FBXO4: variants seen among roughly 807,000 people sequenced by gnomAD.
The protein encoded by FBXO4 is F-box protein 4, also known as F-box only protein 4.
Under a neutral mutation model 43.7 loss-of-function variants are expected in FBXO4, and 36 were observed. The ratio of observed to expected loss-of-function variants is 0.82; its 90% CI spans 0.63 to 1.09. The LOEUF (loss-of-function observed/expected upper bound fraction) is 1.09. FBXO4 is among the 50% of genes least tolerant of loss of function. The probability of loss-of-function intolerance (pLI) is 0.00; values close to 1 mark genes in which losing one functional copy is unlikely to be tolerated. For synonymous variants in FBXO4, 180 were observed against 165.6 expected (o/e 1.09, Z -0.67); for missense variants, 435 against 474.1 (o/e 0.92, Z 0.77).
the FBXO4 span, among the ~76,000 whole-genome samples, chr5:41,981,980 A>G: frequency 6.8e-6 from 1 of 146,154 alleles, no homozygotes; most frequent in Admixed American, 7.1e-5. Flanking sequence ...ATTCCCACCT[A>G]TGAGTGAGAA....
In FBXO4 at chr5:41,941,196, A is replaced by G; in HGVS notation, c.1079A>G (p.Gln360Arg). ...TTCTCTCTTATGTATTCCGAGGTCC[A>G]GGATACAGAGGCTGAAACTCTGACT... ...LNLLNHPWLV[Q>R]DTEAETLTGF... is the part of the protein sequence containing the mutation. The change falls in exon 7 of 7, where the codon CAG becomes CGG. Residue 360 changes from glutamine to arginine, a missense_variant. Coordinates refer to ENST00000281623, the MANE Select transcript of FBXO4 (RefSeq NM_012176.3). 1 of 1,613,240 alleles carries G rather than the reference A, an allele frequency of 6.2e-7. No individual in the cohort carries two copies. The highest frequency in any genetic ancestry group is 2.2e-5 in the East Asian group (1 of 44,810).
the FBXO4 span, among the ~76,000 whole-genome samples, chr5:41,984,419 GGT>G: frequency 6.6e-6 from 1 of 152,144 alleles, no homozygotes; most frequent in African/African-American, 2.4e-5. Context: ...GAGTTAGAGG[GGT>G]AGCTCAGCTA....
the FBXO4 span, among the ~76,000 whole-genome samples, chr5:41,969,849 A>G: frequency 1.3e-5 from 2 of 152,152 alleles, no homozygotes; most frequent in African/African-American, 2.4e-5. Context: ...TACATTTTAA[A>G]CAAAACAATG....
At chr5:42,028,981 TCA>T in the FBXO4 span, among the ~76,000 whole-genome samples, 1 of 151,982 alleles carries the variant, frequency 6.6e-6, no homozygotes, top group African/African-American at 2.4e-5. Context: ...AGTTTACACA[TCA>T]CAGTTAGTGT....
chr5:41,929,094 AT>A (rs895412628), intron 2 of FBXO4, among the ~76,000 whole-genome samples: 5 of 152,120 alleles, frequency 3.3e-5, no homozygotes, highest in African/African-American at 9.7e-5. Flanking sequence ...AGTGTTAGCA[AT>A]TTTTTTGGTT....
downstream of FBXO4, among the ~76,000 whole-genome samples, chr5:41,942,282 A>T (rs902136042): frequency 6.6e-6 from 1 of 152,078 alleles, no homozygotes; most frequent in East Asian, 1.9e-4. Context: ...CACATTTGTC[A>T]GAATGTTTAC....
the FBXO4 span, among the ~76,000 whole-genome samples, chr5:41,958,525 T>G: frequency 6.6e-6 from 1 of 152,166 alleles, no homozygotes. Flanking sequence ...TAACCGAAAT[T>G]TTGTGACCTA....
chr5:41,947,275 T>A, the FBXO4 span, among the ~76,000 whole-genome samples: 8 of 152,070 alleles, frequency 5.3e-5, no homozygotes. Flanking sequence ...AGAGATAAAA[T>A]CACCTACCTG....
downstream of FBXO4, among the ~76,000 whole-genome samples, chr5:41,943,671 A>G (rs1417934215): frequency 6.6e-6 from 1 of 152,092 alleles, no homozygotes; most frequent in African/African-American, 2.4e-5. Context: ...TATAAACTCT[A>G]TCGCCACTAT....
chr5:41,964,339 T>C, the FBXO4 span, among the ~76,000 whole-genome samples: 7 of 152,164 alleles, frequency 4.6e-5, no homozygotes, highest in African/African-American at 1.7e-4. Flanking sequence ...AAGTATATCA[T>C]AGGCATCTTC....
chr5:42,008,755 G>C, the FBXO4 span, among the ~76,000 whole-genome samples: 3 of 152,156 alleles, frequency 2.0e-5, no homozygotes, highest in East Asian at 5.8e-4. Context: ...TGTGATTCTT[G>C]GATTTTTAGT....
the FBXO4 span, chr5:41,968,043 G>A: frequency 5.2e-6 from 2 of 388,092 alleles, no homozygotes; most frequent in South Asian, 4.2e-5. Context: ...CTTCCTGCTT[G>A]ATCCACTGGG....
the FBXO4 span, among the ~76,000 whole-genome samples, chr5:41,996,305 G>A: frequency 2.0e-5 from 3 of 152,300 alleles, no homozygotes; most frequent in East Asian, 5.8e-4. Context: ...CAGGTCACAT[G>A]GTGACTTGAT....
At chr5:41,928,393 GGA>G (rs1751577097) in intron 2 of FBXO4, 1 of 150,630 alleles carries the variant, frequency 6.6e-6, no homozygotes, top group Non-Finnish European at 1.5e-5. Flanking sequence ...GGAGTGCAGT[GGA>G]GCGATCTCGG....
At chr5:41,933,371 T>C (rs1371046317) in intron 3 of FBXO4, among the ~76,000 whole-genome samples, 1 of 152,054 alleles carries the variant, frequency 6.6e-6, no homozygotes, top group Non-Finnish European at 1.5e-5. Context: ...TGGGCCACCA[T>C]GCCTGGATAA....
chr5:42,006,872 C>A, the FBXO4 span, among the ~76,000 whole-genome samples: 1 of 85,886 alleles, frequency 1.2e-5, no homozygotes, highest in Non-Finnish European at 2.2e-5. Context: ...TGCCTACATT[C>A]CTAAGGTTCA....
chr5:42,003,760 C>T, the FBXO4 span, among the ~76,000 whole-genome samples: 5 of 149,680 alleles, frequency 3.3e-5, no homozygotes, highest in Admixed American at 2.0e-4. Flanking sequence ...TGAGTGAGAA[C>T]ATGTTGTGTT....
chr5:41,987,370 A>G, the FBXO4 span, among the ~76,000 whole-genome samples: 6 of 152,172 alleles, frequency 3.9e-5, no homozygotes, highest in Non-Finnish European at 7.4e-5. Context: ...GGGAAGTTAA[A>G]TAATTTTTCA....
At chr5:42,015,456 T>C in the FBXO4 span, among the ~76,000 whole-genome samples, 19,169 of 152,266 alleles carry the variant, frequency 0.13, 1,702 homozygotes, top group African/African-American at 0.24. Context: ...GGGGACTTTG[T>C]CTTCTTCCCC....
Sources: allele counts gnomAD v4.1 joint callset (sites outside exome capture counted in the v4.1 genomes callset), GRCh38; gene constraint gnomAD v4.1.1; transcripts MANE v1.5; gene names NCBI Gene and HGNC (gene_info 2026-07-23, HGNC 2026-07-21).